Variants in GRID2 observed in about 807,000 individuals in gnomAD.
GRID2 encodes glutamate receptor ionotropic, delta-2.
Under a neutral mutation model 114.8 loss-of-function variants are expected in GRID2, and 33 were observed. The observed-to-expected ratio is 0.29, with a 90% CI of 0.22 to 0.38. GRID2 has a LOEUF of 0.38. Among genes scored for constraint, GRID2 ranks in the 10% least tolerant of loss-of-function variants. The pLI, the probability that GRID2 is intolerant of heterozygous loss-of-function variation, is 1.00. For synonymous variants in GRID2, 505 were observed against 449.9 expected (o/e 1.12, Z -1.55); for missense variants, 1,184 against 1,257.7 (o/e 0.94, Z 0.89).
intron 2 of GRID2, among the ~76,000 whole-genome samples, chr4:92,913,056 T>A (rs1312669631): frequency 6.6e-6 from 1 of 151,888 alleles, no homozygotes; most frequent in Non-Finnish European, 1.5e-5. Context: ...GGTTTAAGAT[T>A]ATATTTTGAT....
At chr4:92,933,933 A>G (rs1750435530) in intron 2 of GRID2, among the ~76,000 whole-genome samples, 1 of 151,742 alleles carries the variant, frequency 6.6e-6, no homozygotes, top group Non-Finnish European at 1.5e-5. Context: ...TATTTACATT[A>G]GAAGCAGTGT....
intron 8 of GRID2, among the ~76,000 whole-genome samples, chr4:93,365,489 C>A (rs1762253405): frequency 6.6e-6 from 1 of 152,142 alleles, no homozygotes; most frequent in African/African-American, 2.4e-5. Flanking sequence ...TTATTCCAGA[C>A]ACTGTCTTGT....
chr4:92,867,606 A>T (rs1225028956), intron 2 of GRID2, among the ~76,000 whole-genome samples: 1 of 151,256 alleles, frequency 6.6e-6, no homozygotes, highest in Non-Finnish European at 1.5e-5. Flanking sequence ...TTGCATGTCA[A>T]GCTTTAGAGA....
intron 4 of GRID2, among the ~76,000 whole-genome samples, chr4:93,162,178 T>G (rs2149408800): frequency 6.6e-6 from 1 of 151,946 alleles, no homozygotes; most frequent in South Asian, 2.1e-4. Flanking sequence ...CTCTGAATCC[T>G]CTGGAATGAA....
intron 3 of GRID2, among the ~76,000 whole-genome samples, chr4:93,097,912 AATG>A (rs1731364144): frequency 6.6e-6 from 1 of 151,932 alleles, no homozygotes; most frequent in African/African-American, 2.4e-5. Context: ...AAGTAAATAA[AATG>A]ATACCTCTCT....
chr4:93,381,550 T>G (rs887494610), intron 8 of GRID2, among the ~76,000 whole-genome samples: 17 of 152,160 alleles, frequency 1.1e-4, no homozygotes, highest in African/African-American at 3.9e-4. Flanking sequence ...TGTTTATGTA[T>G]CTATGTCATT....
intron 1 of GRID2, among the ~76,000 whole-genome samples, chr4:92,335,576 A>G (rs189680035): frequency 2.6e-5 from 4 of 152,324 alleles, no homozygotes; most frequent in Admixed American, 2.6e-4. Context: ...TTGTGTTATG[A>G]GTAAGTCAAT....
intron 8 of GRID2, among the ~76,000 whole-genome samples, chr4:93,244,114 C>T (rs1283785355): frequency 6.6e-6 from 1 of 151,916 alleles, no homozygotes; most frequent in African/African-American, 2.4e-5. Context: ...TTATTTGTCT[C>T]ATTTTTGTTA....
intron 1 of GRID2, among the ~76,000 whole-genome samples, chr4:93,802,126 G>A: frequency 6.6e-6 from 1 of 152,080 alleles, no homozygotes; most frequent in East Asian, 1.9e-4. Context: ...TCTGCCGCAG[G>A]GCGTGCCCTG....
intron 2 of GRID2, among the ~76,000 whole-genome samples, chr4:92,730,408 C>A (rs1207103093): frequency 6.6e-6 from 1 of 151,870 alleles, no homozygotes; most frequent in Admixed American, 6.6e-5. Context: ...GTTTTCCCCA[C>A]CAGGAATGGC....
intron 2 of GRID2, among the ~76,000 whole-genome samples, chr4:92,793,680 A>C (rs1203524452): frequency 6.6e-6 from 1 of 151,938 alleles, no homozygotes; most frequent in African/African-American, 2.4e-5. Flanking sequence ...TTCTGTTAGT[A>C]GAATATGTGT....
At chr4:92,914,248 A>C (rs1004788595) in intron 2 of GRID2, among the ~76,000 whole-genome samples, 1 of 152,120 alleles carries the variant, frequency 6.6e-6, no homozygotes, top group African/African-American at 2.4e-5. Context: ...TTGTGCATGG[A>C]CATTTTTACT....
At chr4:93,561,330 C>T (rs1734905848) in intron 13 of GRID2, among the ~76,000 whole-genome samples, 1 of 152,116 alleles carries the variant, frequency 6.6e-6, no homozygotes, top group Non-Finnish European at 1.5e-5. Flanking sequence ...TAATAATGCA[C>T]ACCACCAATT....
chr4:93,514,403 G>C lies in GRID2; in HGVS notation c.1998-813G>C, dbSNP rs867120903. 8.6e-5 allele frequency among the ~76,000 whole-genome samples: 12 copies of C among 139,616 alleles called. 1 individual carries two copies. In the Middle Eastern group the frequency reaches 0.017, roughly 192 times the overall value. 91.6% of individuals were successfully genotyped at this position (139,616 alleles called of 152,430 possible). ...ATGTATTCTCATCCAAATAGAAATCGCTCCCCCCACCTCCACAGTACACAC... is the reference window on the plus strand; with the variant it reads ...ATGTATTCTCATCCAAATAGAAATCCCTCCCCCCACCTCCACAGTACACAC... On this transcript the variant is annotated intron_variant, in intron 12 of 15. Transcript: ENST00000282020.
At chr4:93,442,549 A>G (rs1276007316) in intron 10 of GRID2, among the ~76,000 whole-genome samples, 1 of 152,036 alleles carries the variant, frequency 6.6e-6, no homozygotes, top group Non-Finnish European at 1.5e-5. Flanking sequence ...CATAAAGTAT[A>G]GAACACAGAG....
intron 14 of GRID2, among the ~76,000 whole-genome samples, chr4:93,708,236 C>T (rs555785144): frequency 6.6e-6 from 1 of 151,980 alleles, no homozygotes; most frequent in South Asian, 2.1e-4. Flanking sequence ...AAACACTAGT[C>T]CAGTGTTTCT....
At chr4:92,598,193 T>C (rs1312564017) in intron 2 of GRID2, among the ~76,000 whole-genome samples, 2 of 152,092 alleles carry the variant, frequency 1.3e-5, no homozygotes, top group Non-Finnish European at 2.9e-5. Flanking sequence ...CAATAGGAAA[T>C]TGCATATTCT....
chr4:93,057,573 C>T (rs116058920), intron 2 of GRID2, among the ~76,000 whole-genome samples: 118 of 151,908 alleles, frequency 7.8e-4, no homozygotes, highest in African/African-American at 2.7e-3. Flanking sequence ...AACATCTCTA[C>T]GTATGCGTTA....
chr4:93,137,966 G>C (rs897663347), intron 4 of GRID2, among the ~76,000 whole-genome samples: 1 of 78,380 alleles, frequency 1.3e-5, no homozygotes, highest in Non-Finnish European at 2.4e-5. Context: ...TTTTTTCTTC[G>C]TTTTTTTTTT....
Sources: allele counts gnomAD v4.1 joint callset (sites outside exome capture counted in the v4.1 genomes callset), GRCh38; gene constraint gnomAD v4.1.1; transcripts MANE v1.5; gene names NCBI Gene and HGNC (gene_info 2026-07-23, HGNC 2026-07-21).